FAF1: variants seen among roughly 807,000 people sequenced by gnomAD.
FAF1 encodes Fas associated factor 1, also known as FAS-associated factor 1.
In FAF1, 25 loss-of-function variants were observed where a neutral mutation model predicts 92.5. The observed-to-expected ratio is 0.27, with a 90% CI of 0.20 to 0.38. The LOEUF is 0.38. Among genes scored for constraint, FAF1 ranks in the 10% least tolerant of loss-of-function variants. The pLI is 1.00. For synonymous variants in FAF1, 234 were observed against 273.2 expected, an observed-to-expected ratio of 0.86 and a Z score of 1.42; for missense variants, 636 against 793.3, an observed-to-expected ratio of 0.80 and a Z score of 2.38.
intron 18 of FAF1, among the ~76,000 whole-genome samples, chr1:50,447,300 T>A (rs918153282): frequency 1.6e-4 from 24 of 152,028 alleles, no homozygotes; most frequent in Non-Finnish European, 3.4e-4. Context: ...TCATTTTTTG[T>A]ATTTTTAGTA....
chr1:50,658,337 C>T (rs1051862139), intron 7 of FAF1, among the ~76,000 whole-genome samples: 11 of 151,864 alleles, frequency 7.2e-5, no homozygotes, highest in East Asian at 5.8e-4. Flanking sequence ...TTGGAAAGGC[C>T]GCAAAGCTAC....
rs1043479196 is a variant in FAF1, at chr1:50,759,669, T to G, written c.368-14894A>C. On this transcript the variant is annotated intron_variant, in intron 4 of 18. Transcript: ENST00000396153. ...TATAGTCCTTTGCATATATACCCAG[T>G]AATGGGATGGCTGGGTCAAATGGTA... Among the ~76,000 whole-genome samples the G allele has an allele frequency of 1.4e-4, 21 of 152,308 alleles. No homozygotes were observed. In the Middle Eastern group the frequency reaches 0.01, roughly 74 times the overall value.
At chr1:50,706,969 C>T (rs1364809947) in intron 6 of FAF1, among the ~76,000 whole-genome samples, 2 of 152,080 alleles carry the variant, frequency 1.3e-5, no homozygotes, top group Admixed American at 6.6e-5. Context: ...TTTGGCAGGC[C>T]GAGGCCAGTG....
intron 4 of FAF1, among the ~76,000 whole-genome samples, chr1:50,767,406 C>T (rs536524100): frequency 1.2e-4 from 18 of 152,178 alleles, no homozygotes; most frequent in African/African-American, 3.9e-4. Flanking sequence ...ATATAATTCG[C>T]GAAAATTTCC....
intron 7 of FAF1, among the ~76,000 whole-genome samples, chr1:50,675,372 T>C (rs1051314107): frequency 2.0e-5 from 3 of 152,170 alleles, no homozygotes; most frequent in Non-Finnish European, 2.9e-5. Flanking sequence ...GTAACACAAA[T>C]GAATGAAATG....
intron 7 of FAF1, among the ~76,000 whole-genome samples, chr1:50,700,949 T>G (rs1657448476): frequency 6.6e-6 from 1 of 152,110 alleles, no homozygotes; most frequent in Non-Finnish European, 1.5e-5. Flanking sequence ...ACAGGAAACC[T>G]CAATATTTAT....
chr1:50,714,546 A>G (rs1480583637), intron 6 of FAF1, among the ~76,000 whole-genome samples: 2 of 151,814 alleles, frequency 1.3e-5, no homozygotes, highest in Non-Finnish European at 2.9e-5. Context: ...ACAAACAAAC[A>G]AAAAAACCTC....
At chr1:50,638,441 T>G (rs906682132) in intron 8 of FAF1, among the ~76,000 whole-genome samples, 1 of 145,234 alleles carries the variant, frequency 6.9e-6, no homozygotes, top group Non-Finnish European at 1.5e-5. Context: ...TTCTTTTTCT[T>G]TTTCTTTTTT....
chr1:50,709,769 T>C (rs765189802), intron 6 of FAF1, among the ~76,000 whole-genome samples: 1 of 152,220 alleles, frequency 6.6e-6, no homozygotes, highest in Non-Finnish European at 1.5e-5. Flanking sequence ...ATTCACTCTA[T>C]AATTATTTGA....
intron 6 of FAF1, among the ~76,000 whole-genome samples, chr1:50,718,402 C>G (rs980317486): frequency 2.0e-5 from 3 of 152,154 alleles, no homozygotes; most frequent in African/African-American, 7.2e-5. Flanking sequence ...CATTATATGT[C>G]CACTGACAAA....
intron 1 of FAF1, among the ~76,000 whole-genome samples, chr1:50,874,792 C>T (rs1291036459): frequency 1.1e-5 from 1 of 87,998 alleles, no homozygotes; most frequent in Non-Finnish European, 2.0e-5. Context: ...TTTTTGGAGA[C>T]AGGGTCTCAC....
At chr1:50,894,795 G>A (rs2124703855) in intron 1 of FAF1, among the ~76,000 whole-genome samples, 1 of 152,202 alleles carries the variant, frequency 6.6e-6, no homozygotes, top group South Asian at 2.1e-4. Context: ...AATTAAGGAA[G>A]AACTTGAAAA....
intron 7 of FAF1, among the ~76,000 whole-genome samples, chr1:50,668,839 GA>G (rs376905414): frequency 1.3e-5 from 2 of 151,974 alleles, no homozygotes; most frequent in Middle Eastern, 3.4e-3. Flanking sequence ...TTAAGATCAG[GA>G]AAAAAAATTT....
At chr1:50,873,860 AC>A (rs1644548160) in intron 1 of FAF1, among the ~76,000 whole-genome samples, 2 of 151,554 alleles carry the variant, frequency 1.3e-5, no homozygotes, top group Admixed American at 1.3e-4. Context: ...AAGCCAAGAA[AC>A]CTCCCAGGCT....
At chr1:50,784,726 T>C (rs768985172) in intron 4 of FAF1, among the ~76,000 whole-genome samples, 2 of 152,050 alleles carry the variant, frequency 1.3e-5, no homozygotes, top group Admixed American at 6.6e-5. Context: ...CCAAACACAA[T>C]TGTGAGAAAG....
At chr1:50,484,393 A>G (rs1185050303) in intron 17 of FAF1, among the ~76,000 whole-genome samples, 1 of 152,232 alleles carries the variant, frequency 6.6e-6, no homozygotes, top group African/African-American at 2.4e-5. Context: ...TTAATGGTTC[A>G]TGAGAACAAC....
At chr1:50,590,385 T>C (rs1651445952) in intron 9 of FAF1, among the ~76,000 whole-genome samples, 1 of 152,216 alleles carries the variant, frequency 6.6e-6, no homozygotes, top group African/African-American at 2.4e-5. Flanking sequence ...AATTCCTAAG[T>C]ATTATTCTGT....
At chr1:50,460,916 G>A (rs1191295378) in intron 18 of FAF1, among the ~76,000 whole-genome samples, 2 of 152,104 alleles carry the variant, frequency 1.3e-5, no homozygotes, top group Non-Finnish European at 2.9e-5. Flanking sequence ...GCCTCCCAAA[G>A]TGCTAGGATT....
At chr1:50,799,696 C>T (rs72902772) in intron 3 of FAF1, among the ~76,000 whole-genome samples, 10,082 of 152,120 alleles carry the variant, frequency 0.066, 413 homozygotes, top group East Asian at 0.095. Flanking sequence ...GTATTTGATA[C>T]CTCCTTTCTT....
Sources: allele counts gnomAD v4.1 joint callset (sites outside exome capture counted in the v4.1 genomes callset), GRCh38; gene constraint gnomAD v4.1.1; transcripts MANE v1.5; gene names NCBI Gene and HGNC (gene_info 2026-07-23, HGNC 2026-07-21).